Variants in KANK1 observed in about 807,000 individuals in gnomAD.
The protein encoded by KANK1 is KN motif and ankyrin repeat domain-containing protein 1.
KANK1 carries 109 observed loss-of-function variants against 106.2 expected under a neutral mutation model. The observed-to-expected ratio is 1.03, with a 90% CI of 0.88 to 1.20. The LOEUF (loss-of-function observed/expected upper bound fraction) is 1.20, where lower values mean the gene tolerates loss of function less well. Ranked by LOEUF, KANK1 falls within the 50% of genes most tolerant of loss-of-function variation. The pLI, the probability that KANK1 is intolerant of heterozygous loss-of-function variation, is 0.00. For synonymous variants in KANK1, 873 were observed against 652.2 expected, an observed-to-expected ratio of 1.34 and a Z score of -5.16; for missense variants, 2,399 against 1,710.7, an observed-to-expected ratio of 1.40 and a Z score of -7.10.
intron 1 of KANK1, among the ~76,000 whole-genome samples, chr9:547,057 G>C (rs2060976361): frequency 6.6e-6 from 1 of 152,198 alleles, no homozygotes; most frequent in South Asian, 2.1e-4. Context: ...GTTGTTGTTT[G>C]AAACATTTGG....
chr9:524,891 G>C (rs2059713657), intron 1 of KANK1, among the ~76,000 whole-genome samples: 1 of 150,468 alleles, frequency 6.6e-6, no homozygotes, highest in African/African-American at 2.5e-5. Context: ...CTGTTTGATT[G>C]AATTTCATTT....
chr9:530,470 C>T (rs546214085), intron 1 of KANK1, among the ~76,000 whole-genome samples: 1 of 151,912 alleles, frequency 6.6e-6, no homozygotes, highest in Non-Finnish European at 1.5e-5. Flanking sequence ...ATTAATAGTC[C>T]ATTTTCCCTC....
At chr9:517,544 G>C (rs867662277) in intron 1 of KANK1, among the ~76,000 whole-genome samples, 21 of 151,614 alleles carry the variant, frequency 1.4e-4, no homozygotes, top group Non-Finnish European at 1.0e-4. Flanking sequence ...GGGAAAATAG[G>C]GAAGCCTTTT....
At chr9:575,767 A>G (rs1380828814) in intron 1 of KANK1, among the ~76,000 whole-genome samples, 1 of 152,244 alleles carries the variant, frequency 6.6e-6, no homozygotes, top group South Asian at 2.1e-4. Context: ...CATGCCTGTA[A>G]TCCCAGCACT....
At chr9:602,352 T>C (rs969321155) in intron 1 of KANK1, among the ~76,000 whole-genome samples, 5 of 151,756 alleles carry the variant, frequency 3.3e-5, no homozygotes, top group African/African-American at 1.2e-4. Flanking sequence ...CTCCCGCTCC[T>C]GGGTTCAAGC....
chr9:739,358 T>TGA, intron 8 of KANK1, among the ~76,000 whole-genome samples: 1 of 152,222 alleles, frequency 6.6e-6, no homozygotes, highest in African/African-American at 2.4e-5. Flanking sequence ...TACTGTCCAA[T>TGA]TTTCTGAAAT....
intron 6 of KANK1, chr9:733,982 A>G (rs1313604934): frequency 6.6e-6 from 1 of 151,776 alleles, no homozygotes; most frequent in Non-Finnish European, 1.5e-5. Context: ...GGTGGCACAC[A>G]CGTGTAATCC....
rs748143670 is a variant in KANK1, at chr9:713,088, C to T, written c.2322C>T (p.Leu774=). Residue 774 remains leucine (L), a synonymous_variant, in exon 3 of 12, where the codon CTC becomes CTT. Coordinates refer to ENST00000382297, the MANE Select transcript of KANK1 (RefSeq NM_015158.5). ...ININDNYLVG[L]KMRTIACGPP... The stretch of plus-strand genomic sequence containing the variant: ...TTAACGACAACTATCTGGTTGGTCT[C>T]AAAATGAGGACTATAGCTTGTGGGC... The T allele has an allele frequency of 2.8e-5, 45 of 1,613,188 alleles. No homozygotes were observed. The highest frequency in any genetic ancestry group is 3.6e-5 in the Non-Finnish European group (42 of 1,179,378).
At chr9:657,025 A>G (rs1014675640) in intron 1 of KANK1, among the ~76,000 whole-genome samples, 1 of 151,388 alleles carries the variant, frequency 6.6e-6, no homozygotes, top group East Asian at 1.9e-4. Context: ...TGCTGTGCTC[A>G]TCAAACAACT....
chr9:672,492 A>G (rs1334564454), intron 1 of KANK1, among the ~76,000 whole-genome samples: 1 of 152,136 alleles, frequency 6.6e-6, no homozygotes, highest in Non-Finnish European at 1.5e-5. Flanking sequence ...GACATTTTAT[A>G]TTTCAATAAC....
chr9:639,325 A>C (rs1001974798), intron 1 of KANK1, among the ~76,000 whole-genome samples: 1 of 151,550 alleles, frequency 6.6e-6, no homozygotes, highest in Admixed American at 6.6e-5. Flanking sequence ...ATTTTTATTT[A>C]TTTATTATTA....
chr9:653,494 A>T (rs368010083), intron 1 of KANK1, among the ~76,000 whole-genome samples: 2 of 151,946 alleles, frequency 1.3e-5, no homozygotes, highest in Non-Finnish European at 2.9e-5. Flanking sequence ...ATACATGGAA[A>T]TTCAGAGGTT....
intron 1 of KANK1, among the ~76,000 whole-genome samples, chr9:558,634 G>C (rs1256057560): frequency 6.6e-6 from 1 of 151,886 alleles, no homozygotes; most frequent in Non-Finnish European, 1.5e-5. Context: ...ACGACACTAA[G>C]GCATGATGTT....
intron 2 of KANK1, chr9:470,736 C>G (rs1274847871): frequency 6.6e-6 from 1 of 152,346 alleles, no homozygotes; most frequent in Non-Finnish European, 1.5e-5. Flanking sequence ...TGGCCCCCAG[C>G]CAAGTTTAAT....
intron 1 of KANK1, chr9:558,965 G>A (rs1396713123): frequency 6.6e-6 from 1 of 152,150 alleles, no homozygotes; most frequent in African/African-American, 2.4e-5. Context: ...CTCCACCTGT[G>A]CGCAAATGAC....
intron 1 of KANK1, among the ~76,000 whole-genome samples, chr9:604,657 C>A (rs1172843694): frequency 6.6e-6 from 1 of 151,642 alleles, no homozygotes; most frequent in Non-Finnish European, 1.5e-5. Flanking sequence ...CATGGCGAAA[C>A]CTGTCTCTAC....
At position 712,784 on chromosome 9, in the gene KANK1, C is replaced by A; in HGVS notation, c.2018C>A (p.Thr673Asn). The A allele has an allele frequency of 1.9e-6, 3 of 1,613,908 alleles. No individual in the cohort carries two copies. Among genetic ancestry groups the A allele is most frequent in the Non-Finnish European group, 2.5e-6 (3 of 1,179,910 alleles). Residue 673 changes from threonine (T) to asparagine (N), a missense_variant, in exon 3 of 12, where the codon ACT (threonine) becomes AAT (asparagine). Coordinates refer to ENST00000382297, the MANE Select transcript of KANK1 (RefSeq NM_015158.5). ...MAVPRTADQDTSTDLEQVHQF... is the reference protein window; with the variant it reads ...MAVPRTADQDNSTDLEQVHQF... Reference sequence around the variant, plus strand: ...GTGCCTCGTACTGCAGACCAGGACACTAGCACAGATTTGGAACAGGTGCAC... The same window carrying A: ...GTGCCTCGTACTGCAGACCAGGACAATAGCACAGATTTGGAACAGGTGCAC...
At chr9:661,104 T>A (rs921570218) in intron 1 of KANK1, among the ~76,000 whole-genome samples, 2 of 152,114 alleles carry the variant, frequency 1.3e-5, no homozygotes, top group African/African-American at 2.4e-5. Context: ...TCCCCTCCAG[T>A]TTTAATGTTA....
chr9:478,899 C>A (rs1320772303), intron 3 of KANK1, among the ~76,000 whole-genome samples: 4 of 151,586 alleles, frequency 2.6e-5, no homozygotes, highest in African/African-American at 9.7e-5. Flanking sequence ...ATCCATAACT[C>A]TACCACGCTA....
Sources: allele counts gnomAD v4.1 joint callset (sites outside exome capture counted in the v4.1 genomes callset), GRCh38; gene constraint gnomAD v4.1.1; transcripts MANE v1.5; gene names NCBI Gene and HGNC (gene_info 2026-07-23, HGNC 2026-07-21).